The following FICD variants were observed in gnomAD, a reference collection of about 807,000 sequenced individuals.
FICD encodes the protein FIC domain protein adenylyltransferase.
FICD carries 13 observed loss-of-function variants against 28.0 expected under a neutral mutation model. The observed-to-expected ratio is 0.46, with a 90% CI of 0.30 to 0.74. FICD has a LOEUF of 0.74. Ranked by LOEUF, FICD falls within the 30% of genes least tolerant of loss-of-function variation. The probability of loss-of-function intolerance (pLI) is 0.07; values close to 1 mark genes in which losing one functional copy is unlikely to be tolerated. For synonymous variants in FICD, 268 were observed against 266.4 expected (o/e 1.01, Z -0.06); for missense variants, 576 against 624.5 (o/e 0.92, Z 0.83).
At position 108,519,024 on chromosome 12, in the gene FICD, T is replaced by C. The variant is rs1872014081; in HGVS notation, c.926T>C (p.Phe309Ser). The C allele has an allele frequency of 6.2e-7, 1 of 1,614,164 alleles. No individual in the cohort carries two copies. ...GTGGACCCCGTGGAAGCCGGCAGGT[T>C]TCGGACAACACAGGTCCTGGTCGGA... The part of the protein sequence containing the change: ...GYVDPVEAGR[F>S]RTTQVLVGHH... The change falls in exon 3 of 3, where the codon TTT (phenylalanine) becomes TCT (serine). Residue 309 changes from phenylalanine to serine, a missense_variant. Physicochemically the swap from Phe to Ser is radical, Grantham distance 155 (BLOSUM62 -2). Coordinates refer to ENST00000552695, the MANE Select transcript of FICD (RefSeq NM_007076.3). The surrounding 1 kb of genome is among the most constrained non-coding windows in gnomAD (Gnocchi z 4.5).
Position 108,519,350 on chromosome 12 carries a change from A to G in FICD, c.1252A>G (p.Ile418Val), listed in dbSNP as rs372452687. ...CGACGTGAGGCCTTTCATTCGCTTC[A>G]TCGCCAAGTGTACTGAGACCACCCT... ...EGDVRPFIRF[I>V]AKCTETTLDT... Residue 418 changes from isoleucine (I) to valine (V), a missense_variant, in exon 3 of 3, where the codon ATC (isoleucine) becomes GTC (valine). Transcript: ENST00000552695. The surrounding 1 kb of genome is among the most constrained non-coding windows in gnomAD (Gnocchi z 4.5). 5.5e-5 allele frequency: 89 copies of G among 1,614,062 alleles called. No individual in the cohort carries two copies. The highest frequency in any genetic ancestry group is 6.9e-5 in the Non-Finnish European group (81 of 1,180,040).
chr12:108,515,820 C>T (rs1483482622), intron 1 of FICD, among the ~76,000 whole-genome samples: 1 of 152,182 alleles, frequency 6.6e-6, no homozygotes, highest in Non-Finnish European at 1.5e-5. Flanking sequence ...ACAGGCCCTG[C>T]TTAGTAATAA....
chr12:108,518,892 T>G lies in FICD; in HGVS notation c.794T>G (p.Ile265Arg), dbSNP rs545390876. 1 of 1,614,166 alleles carries G rather than the reference T, an allele frequency of 6.2e-7. No individual in the cohort carries two copies. The highest frequency in any genetic ancestry group is 1.1e-5 in the South Asian group (1 of 91,086). Reference protein sequence around the residue: ...GKSLEEQNEVIGMHAAMKYIN... With the variant: ...GKSLEEQNEVRGMHAAMKYIN... ...AGCCTGGAGGAGCAGAACGAGGTCA[T>G]AGGCATGCATGCAGCCATGAAGTAC... is the stretch of plus-strand genomic sequence containing the variant. Residue 265 changes from isoleucine (I) to arginine (R), a missense_variant, in exon 3 of 3, where the codon ATA becomes AGA. By Grantham distance (97) the Ile-to-Arg change is moderately conservative. Transcript: ENST00000552695. This position sits in a 1 kb window ranked among gnomAD's most constrained non-coding sequence, Gnocchi z 4.4.
chr12:108,519,195 T>C lies in FICD; in HGVS notation c.1097T>C (p.Ile366Thr), dbSNP rs769731758. The C allele has an allele frequency of 7.4e-6, 12 of 1,614,256 alleles. No individual in the cohort carries two copies. The highest frequency in any genetic ancestry group is 1.7e-5 in the Admixed American group (1 of 60,034). Residue 366 changes from isoleucine to threonine, a missense_variant, in exon 3 of 3, where the codon ATT becomes ACT. Coordinates refer to ENST00000552695, the MANE Select transcript of FICD (RefSeq NM_007076.3). This position sits in a 1 kb window ranked among gnomAD's most constrained non-coding sequence, Gnocchi z 4.5. Reference sequence around the variant, plus strand: ...AAACTCGTTTACATCCACCCTTTCATTGATGGCAACGGGAGGACCTCCCGT... The same window carrying C: ...AAACTCGTTTACATCCACCCTTTCACTGATGGCAACGGGAGGACCTCCCGT... ...HYKLVYIHPF[I>T]DGNGRTSRLL...
In FICD at chr12:108,518,209, C is replaced by G; in HGVS notation, c.302-191C>G. On this transcript the variant is annotated intron_variant, in intron 2 of 2. Coordinates refer to ENST00000552695, the MANE Select transcript of FICD (RefSeq NM_007076.3). The surrounding 1 kb of genome is among the most constrained non-coding windows in gnomAD (Gnocchi z 4.4). ...CACGGATAGTGACTGCATACCACCA[C>G]ACGGCTGGGGCAACAGAGTGGTACC... The G allele has an allele frequency of 1.4e-6, 1 of 704,720 alleles. No individual in the cohort carries two copies. Among genetic ancestry groups the G allele is most frequent in the Non-Finnish European group, 2.6e-6 (1 of 386,494 alleles). 43.7% of individuals were successfully genotyped at this position (704,720 alleles called of 1,614,324 possible). A position where few individuals can be genotyped will look rare whatever the true frequency, so the allele number is the denominator to read the frequency against.
At chr12:108,517,331 T>C in intron 2 of FICD, 58 bp downstream of exon 2, 2 of 1,380,904 alleles carry the variant, frequency 1.4e-6, no homozygotes, top group Non-Finnish European at 1.9e-6. Context: ...AGACATAGAA[T>C]GTGTCATGTC....
chr12:108,516,908 C>T lies in FICD; in HGVS notation c.-58-7C>T, dbSNP rs1871923042. The T allele has an allele frequency of 8.8e-6, 12 of 1,362,150 alleles. No homozygotes were observed. In the East Asian group the frequency reaches 2.5e-4, roughly 29 times the overall value. 84.4% of individuals were successfully genotyped at this position (1,362,150 alleles called of 1,614,324 possible). On this transcript the variant is annotated splice_polypyrimidine_tract_variant and splice_region_variant and intron_variant, in intron 1 of 2. Coordinates refer to ENST00000552695, the MANE Select transcript of FICD (RefSeq NM_007076.3). ...CTGTTTCTCCTGCGACTCTTGGCTCCTTGCAGATCCTGCTCTCTCTCAGCC... is the reference window on the plus strand; with the variant it reads ...CTGTTTCTCCTGCGACTCTTGGCTCTTTGCAGATCCTGCTCTCTCTCAGCC...
Position 108,518,788 on chromosome 12 carries a change from A to G in FICD, c.690A>G (p.Thr230=), listed in dbSNP as rs751598998. The G allele has an allele frequency of 4.3e-6, 7 of 1,614,090 alleles. No homozygotes were observed. Among genetic ancestry groups the G allele is most frequent in the Non-Finnish European group, 5.9e-6 (7 of 1,180,034 alleles). Residue 230 remains threonine (T), a synonymous_variant, in exon 3 of 3, where the codon ACA becomes ACG. Transcript: ENST00000552695. The surrounding 1 kb of genome is among the most constrained non-coding windows in gnomAD (Gnocchi z 4.4). ...EETYYHHIYH[T]VAIEGNTLTL... ...CCTACTACCATCACATCTACCACAC[A>G]GTGGCCATCGAGGGCAACACCCTCA...
intron 1 of FICD, among the ~76,000 whole-genome samples, chr12:108,515,833 T>C (rs1476498799): frequency 6.6e-6 from 1 of 152,102 alleles, no homozygotes; most frequent in East Asian, 1.9e-4. Context: ...AGTAATAAGG[T>C]AGAAATCGAG....
At position 108,517,191 on chromosome 12, in the gene FICD, C is replaced by T. The variant is rs371001608; in HGVS notation, c.219C>T (p.Thr73=). The change falls in exon 2 of 3, where the codon ACC becomes ACT. Residue 73 remains threonine (T), a synonymous_variant. Transcript: ENST00000552695. The stretch of plus-strand genomic sequence containing the variant: ...CGGACAGGGCGCAGCATGCCGCCAC[C>T]AAGTGCACCAGCCCGTCCACGGAGC... The part of the protein sequence containing the change: ...SKPDRAQHAA[T]KCTSPSTELS... 6 of 1,593,178 alleles carry T rather than the reference C, an allele frequency of 3.8e-6. No individual in the cohort carries two copies. Among genetic ancestry groups the T allele is most frequent in the Admixed American group, 1.7e-5 (1 of 58,342 alleles).
At position 108,519,675 on chromosome 12, in the gene FICD, T is replaced by C; in HGVS notation, c.*200T>C. On this transcript the variant is annotated 3_prime_UTR_variant, in exon 3 of 3. Transcript: ENST00000552695. This position sits in a 1 kb window ranked among gnomAD's most constrained non-coding sequence, Gnocchi z 4.5. ...CTTATAATTCAACCAAGCTATTTAT[T>C]TTCTTCTTTGGAGCAAGCTAGTCAG... is the stretch of plus-strand genomic sequence containing the variant. The C allele has an allele frequency of 3.7e-6, 2 of 544,858 alleles. No homozygotes were observed. Among genetic ancestry groups the C allele is most frequent in the Admixed American group, 3.6e-5 (1 of 27,608 alleles). The allele number at this position is 544,858 out of a possible 1,614,324, so 33.8% of individuals were successfully genotyped here. A position where few individuals can be genotyped will look rare whatever the true frequency, so the allele number is the denominator to read the frequency against.
chr12:108,517,847 C>G (rs1336000371), intron 2 of FICD, among the ~76,000 whole-genome samples: 1 of 152,184 alleles, frequency 6.6e-6, no homozygotes, highest in African/African-American at 2.4e-5. Context: ...CTAACCAGGT[C>G]TCCAGACGTC....
chr12:108,518,440 G>A lies in FICD; in HGVS notation c.342G>A (p.Leu114=). ...CCAGAGCTGCCCTGAACCAGGCCCT[G>A]GAGATGAAGCGCCAGGGCAAGCGGG... ...LEARAALNQA[L]EMKRQGKREK... is the part of the protein sequence containing the mutation. Residue 114 remains leucine (L), a synonymous_variant, in exon 3 of 3, where the codon CTG becomes CTA. Transcript: ENST00000552695. This position sits in a 1 kb window ranked among gnomAD's most constrained non-coding sequence, Gnocchi z 4.4. 1 of 1,614,158 alleles carries A rather than the reference G, an allele frequency of 6.2e-7. No homozygotes were observed. Among genetic ancestry groups the A allele is most frequent in the Non-Finnish European group, 8.5e-7 (1 of 1,180,014 alleles).
At position 108,516,514 on chromosome 12, in the gene FICD, A is replaced by G. The variant is rs554750478; in HGVS notation, c.-58-401A>G. Among the ~76,000 whole-genome samples, 5 of 152,280 alleles carry G rather than the reference A, an allele frequency of 3.3e-5. No homozygotes were observed. In the East Asian group the frequency reaches 9.7e-4, roughly 29 times the overall value. ...CGTGGGGTTCCTGAGTTCAAGTCCTAAGGCTGTCACTTGCTCCCGGCGAGA... is the reference window on the plus strand; with the variant it reads ...CGTGGGGTTCCTGAGTTCAAGTCCTGAGGCTGTCACTTGCTCCCGGCGAGA... On this transcript the variant is annotated intron_variant, in intron 1 of 2. Transcript: ENST00000552695.
chr12:108,515,543 C>T (rs566569521), intron 1 of FICD, among the ~76,000 whole-genome samples, 182 bp downstream of exon 1: 27 of 152,180 alleles, frequency 1.8e-4, no homozygotes, highest in Admixed American at 1.6e-3. Flanking sequence ...GGGAGAGATT[C>T]GCGCCTCCCA....
intron 2 of FICD, 132 bp downstream of exon 2, chr12:108,517,405 GA>G (rs1871943999): frequency 3.0e-6 from 2 of 668,510 alleles, no homozygotes; most frequent in Non-Finnish European, 2.3e-6. Context: ...TAGACAAGGT[GA>G]TGTGACTGAG....
chr12:108,518,530 C>T lies in FICD; in HGVS notation c.432C>T (p.Thr144=), dbSNP rs752715733. The change falls in exon 3 of 3, where the codon ACC becomes ACT. Residue 144 remains threonine (T), a synonymous_variant. Transcript: ENST00000552695. This position sits in a 1 kb window ranked among gnomAD's most constrained non-coding sequence, Gnocchi z 4.4. ...KMDPDFVDAL[T]EFGIFSEEDK... is the part of the protein sequence containing the mutation. ...ACCCGGACTTCGTGGACGCGCTCAC[C>T]GAGTTTGGCATCTTCTCGGAAGAAG... The T allele has an allele frequency of 8.9e-5, 143 of 1,614,080 alleles. 1 individual carries two copies. The highest frequency in any genetic ancestry group is 3.3e-4 in the Middle Eastern group (2 of 6,084).
Position 108,518,923 on chromosome 12 carries a change from C to T in FICD, c.825C>T (p.Asn275=). 1 of 1,614,228 alleles carries T rather than the reference C, an allele frequency of 6.2e-7. No individual in the cohort carries two copies. The highest frequency in any genetic ancestry group is 1.1e-5 in the South Asian group (1 of 91,086). ...TGCATGCAGCCATGAAGTACATCAA[C>T]ACGACTCTGGTTTCGCGCATCGGCT... ...IGMHAAMKYI[N]TTLVSRIGSV... Residue 275 remains asparagine (N), a synonymous_variant, in exon 3 of 3, where the codon AAC becomes AAT. Transcript: ENST00000552695. The surrounding 1 kb of genome is among the most constrained non-coding windows in gnomAD (Gnocchi z 4.4).
chr12:108,519,335 CCTTTCATTCGCTTCATCGCCA>C lies in FICD; in HGVS notation c.1238_1258del (p.Pro413_Lys420delinsGln), dbSNP rs1872028327. On this transcript the variant is annotated inframe_deletion, in exon 3 of 3. Coordinates refer to ENST00000552695, the MANE Select transcript of FICD (RefSeq NM_007076.3). This position sits in a 1 kb window ranked among gnomAD's most constrained non-coding sequence, Gnocchi z 4.5. Reference sequence around the variant, plus strand: ...AGCTGCCAACGAGGGCGACGTGAGGCCTTTCATTCGCTTCATCGCCAAGTGTACTGAGACCACCCTGGACAC... The same window carrying C: ...AGCTGCCAACGAGGGCGACGTGAGGCAGTGTACTGAGACCACCCTGGACAC... 3 of 1,614,092 alleles carry C rather than the reference CCTTTCATTCGCTTCATCGCCA, an allele frequency of 1.9e-6. No individual in the cohort carries two copies. The African/African-American group carries it at 4.0e-5, about 22-fold the overall frequency.
Sources: gnomAD v4.1 joint callset for allele counts (sites outside exome capture counted in the v4.1 genomes callset) on GRCh38, gnomAD v4.1.1 for gene constraint, Gnocchi (gnomAD v3.1) non-coding constraint, MANE v1.5 for transcripts, NCBI Gene and HGNC (gene_info 2026-07-23, HGNC 2026-07-21) for gene names.